The following CCDC102B variants were observed in gnomAD, a reference collection of about 807,000 sequenced individuals.
CCDC102B encodes the protein coiled-coil domain-containing protein 102B.
CCDC102B carries 75 observed loss-of-function variants against 57.4 expected under a neutral mutation model. The ratio of observed to expected loss-of-function variants is 1.31; its 90% CI spans 1.08 to 1.58. The LOEUF is 1.58. Among genes scored for constraint, CCDC102B ranks in the 40% most tolerant of loss-of-function variants. CCDC102B has a pLI of 0.00. For missense variants in CCDC102B, 636 were observed against 582.6 expected (o/e 1.09, Z -0.94); for synonymous variants, 206 against 201.9 (o/e 1.02, Z -0.17).
chr18:68,767,107 AT>A (rs1280273857), intron 2 of CCDC102B, among the ~76,000 whole-genome samples: 2 of 152,218 alleles, frequency 1.3e-5, no homozygotes, highest in African/African-American at 4.8e-5. Context: ...GGTAAAATCC[AT>A]ACTAGGCTAA....
At chr18:69,048,378 A>G (rs1327544315) in intron 7 of CCDC102B, among the ~76,000 whole-genome samples, 1 of 152,120 alleles carries the variant, frequency 6.6e-6, no homozygotes, top group Non-Finnish European at 1.5e-5. Context: ...CTTTCTAAAA[A>G]TAAATTTTTA....
chr18:68,744,067 A>C (rs1599397778), intron 2 of CCDC102B, among the ~76,000 whole-genome samples: 1 of 152,328 alleles, frequency 6.6e-6, no homozygotes, highest in East Asian at 1.9e-4. Context: ...GACTATATCC[A>C]ACATATGGGA....
intron 6 of CCDC102B, among the ~76,000 whole-genome samples, chr18:68,904,216 C>A (rs932714356): frequency 1.3e-5 from 2 of 151,988 alleles, no homozygotes; most frequent in African/African-American, 4.8e-5. Flanking sequence ...CCTAGAAATT[C>A]TATTTTTAAA....
At chr18:68,837,498 A>C in intron 2 of CCDC102B, 129 bp downstream of exon 2, 2 of 847,554 alleles carry the variant, frequency 2.4e-6, no homozygotes, top group Non-Finnish European at 3.7e-6. Context: ...AAGTACCATA[A>C]TCACAGTGGT....
chr18:68,835,094 C>T (rs2037310394), intron 1 of CCDC102B, among the ~76,000 whole-genome samples: 1 of 151,998 alleles, frequency 6.6e-6, no homozygotes. Flanking sequence ...CTTTTTAAAG[C>T]AAAAATTCTA....
intron 6 of CCDC102B, among the ~76,000 whole-genome samples, chr18:69,005,771 T>G (rs2051324125): frequency 6.6e-6 from 1 of 151,488 alleles, no homozygotes; most frequent in Non-Finnish European, 1.5e-5. Flanking sequence ...ATTCAATCTA[T>G]TTGAGAAACT....
chr18:68,881,426 T>G (rs1000767376), intron 5 of CCDC102B, among the ~76,000 whole-genome samples: 41 of 152,352 alleles, frequency 2.7e-4, no homozygotes, highest in Middle Eastern at 3.4e-3. Context: ...TTGTTAATTT[T>G]ATGTGTCAAC....
intron 4 of CCDC102B, among the ~76,000 whole-genome samples, chr18:68,852,833 C>G (rs1374248090): frequency 6.6e-6 from 1 of 152,088 alleles, no homozygotes; most frequent in Non-Finnish European, 1.5e-5. Flanking sequence ...TTTGATTATA[C>G]AAAGGAGAAG....
At chr18:68,921,411 T>C (rs1341654147) in intron 6 of CCDC102B, among the ~76,000 whole-genome samples, 1 of 152,222 alleles carries the variant, frequency 6.6e-6, no homozygotes, top group Non-Finnish European at 1.5e-5. Context: ...TTTCCAAAGC[T>C]ATCCAAATTT....
In CCDC102B at chr18:68,798,492, T is replaced by C. The variant is rs185176999; in HGVS notation, c.-16+311T>C. ...TCTACATTTAGACAGTAATAGTATA[T>C]GTTGATATTAAAATTTTGTTTCATT... On this transcript the variant is annotated intron_variant, in intron 1 of 7. Coordinates refer to ENST00000360242, the MANE Select transcript of CCDC102B (RefSeq NM_024781.3). The C allele has an allele frequency of 3.3e-5, 5 of 152,274 alleles. No individual in the cohort carries two copies. In the East Asian group the frequency reaches 5.8e-4, roughly 18 times the overall value. The allele number at this position is 152,274 out of a possible 1,614,324, so 9.4% of individuals were successfully genotyped here.
At chr18:68,808,654 A>G (rs1345854006) in intron 1 of CCDC102B, among the ~76,000 whole-genome samples, 4 of 151,408 alleles carry the variant, frequency 2.6e-5, no homozygotes, top group Admixed American at 2.6e-4. Flanking sequence ...ATTTTTTTGT[A>G]TTTTTAGTAG....
At chr18:69,033,360 G>A (rs1166263883) in intron 7 of CCDC102B, among the ~76,000 whole-genome samples, 4 of 152,104 alleles carry the variant, frequency 2.6e-5, no homozygotes, top group Non-Finnish European at 5.9e-5. Context: ...TCATCATCAT[G>A]TTGTGTAACA....
intron 6 of CCDC102B, among the ~76,000 whole-genome samples, chr18:68,973,059 A>T (rs377765514): frequency 1.3e-5 from 2 of 152,158 alleles, no homozygotes; most frequent in African/African-American, 4.8e-5. Flanking sequence ...TAATGGTAAT[A>T]CACTCATATC....
intron 1 of CCDC102B, among the ~76,000 whole-genome samples, chr18:68,826,528 A>ATAC (rs1398425661): frequency 9.2e-5 from 14 of 152,190 alleles, no homozygotes; most frequent in African/African-American, 3.4e-4. Flanking sequence ...ATAACATATT[A>ATAC]TACGTTAGAA....
At chr18:69,055,205 C>T, downstream of CCDC102B, 4 of 923,896 alleles carry the variant, frequency 4.3e-6, no homozygotes, top group African/African-American at 1.8e-5. Context: ...TTGTAAAAGC[C>T]TTTGTCATTC....
intron 7 of CCDC102B, among the ~76,000 whole-genome samples, chr18:69,021,631 A>C (rs917662030): frequency 2.0e-5 from 3 of 152,222 alleles, no homozygotes; most frequent in African/African-American, 7.2e-5. Flanking sequence ...TATTCACAGG[A>C]TACAGCAGAA....
rs141456896 is a variant in CCDC102B, at chr18:68,992,813, G to A, written c.1264-18121G>A. ...GGAACGCAGCCTCATGTAGCCACTC[G>A]TCGTGGTCATGCAGCAGCACAGGTG... On this transcript the variant is annotated intron_variant, in intron 6 of 7. Coordinates refer to ENST00000360242, the MANE Select transcript of CCDC102B (RefSeq NM_024781.3). 64 of 162,670 alleles carry A rather than the reference G, an allele frequency of 3.9e-4. 1 individual carries two copies. The highest frequency in any genetic ancestry group is 1.8e-3 in the South Asian group (12 of 6,518). 10.1% of individuals were successfully genotyped at this position (162,670 alleles called of 1,614,324 possible). A position where few individuals can be genotyped will look rare whatever the true frequency, so the allele number is the denominator to read the frequency against.
intron 2 of CCDC102B, among the ~76,000 whole-genome samples, chr18:68,781,551 A>C (rs2035008748): frequency 6.6e-6 from 1 of 152,164 alleles, no homozygotes; most frequent in African/African-American, 2.4e-5. Flanking sequence ...TAATGGGAGA[A>C]GTTTCACTTT....
chr18:68,983,331 C>A (rs554357659), intron 6 of CCDC102B, among the ~76,000 whole-genome samples: 1 of 151,826 alleles, frequency 6.6e-6, no homozygotes, highest in African/African-American at 2.4e-5. Flanking sequence ...AATGCAGATG[C>A]CAAACAATAT....
Sources: gnomAD v4.1 joint callset for allele counts (sites outside exome capture counted in the v4.1 genomes callset) on GRCh38, gnomAD v4.1.1 for gene constraint, MANE v1.5 for transcripts, NCBI Gene and HGNC (gene_info 2026-07-23, HGNC 2026-07-21) for gene names.